Variants in LARS2 observed in about 807,000 individuals in gnomAD.
LARS2 encodes the protein leucine--tRNA ligase, mitochondrial.
Under a neutral mutation model 116.6 loss-of-function variants are expected in LARS2, and 81 were observed. That is an observed-to-expected ratio of 0.69 (90% CI 0.58 to 0.84). The LOEUF (loss-of-function observed/expected upper bound fraction) is 0.84, where lower values mean the gene tolerates loss of function less well. Ranked by LOEUF, LARS2 falls within the 40% of genes least tolerant of loss-of-function variation. LARS2 has a pLI of 0.00. For synonymous variants in LARS2, 396 were observed against 407.2 expected, an observed-to-expected ratio of 0.97 and a Z score of 0.33; for missense variants, 968 against 1,114.5, an observed-to-expected ratio of 0.87 and a Z score of 1.87.
intron 20 of LARS2, among the ~76,000 whole-genome samples, chr3:45,529,561 A>AG (rs1162926086): frequency 6.6e-6 from 1 of 152,120 alleles, no homozygotes; most frequent in Non-Finnish European, 1.5e-5. Context: ...AAAAAAAAAA[A>AG]AAAAATGCTA....
intron 4 of LARS2, among the ~76,000 whole-genome samples, chr3:45,405,439 C>T (rs1698219444): frequency 6.6e-6 from 1 of 152,190 alleles, no homozygotes; most frequent in African/African-American, 2.4e-5. Flanking sequence ...TTTTTAAAAG[C>T]ATACAACTCC....
rs1466936224 is a variant in LARS2 at position 45,500,865 on chromosome 3, G to A, written c.1760+286G>A. Among the ~76,000 whole-genome samples, 71 of 152,058 alleles carry A rather than the reference G, an allele frequency of 4.7e-4. 1 individual carries two copies. The highest frequency in any genetic ancestry group is 1.0e-4 in the Non-Finnish European group (7 of 68,022). ...GTGAGGCAGAGAGGAGTGGCCCATA[G>A]TGTTTTATAGCATCTCATGTGAGGT... On this transcript the variant is annotated intron_variant, in intron 15 of 21. Coordinates refer to ENST00000645846, the MANE Select transcript of LARS2 (RefSeq NM_015340.4).
intron 2 of LARS2, 28 bp from the exon 3 acceptor site, chr3:45,394,405 A>G: frequency 7.4e-7 from 1 of 1,355,872 alleles, no homozygotes; most frequent in South Asian, 1.2e-5. Context: ...GAGGCAGCTC[A>G]TAGTGTGCTT....
rs1700903965 is a variant in LARS2, at chr3:45,548,259, G to T, written c.*729G>T. ...TCTGACACACAGGATCCCAGGCAAG[G>T]CACCACTTCCTCACATGAATGAGGA... On this transcript the variant is annotated 3_prime_UTR_variant, in exon 22 of 22. Transcript: ENST00000645846. 1 of 152,248 alleles carries T rather than the reference G, an allele frequency of 6.6e-6. No individual in the cohort carries two copies. The highest frequency in any genetic ancestry group is 2.1e-4 in the South Asian group (1 of 4,828). The allele number at this position is 152,248 out of a possible 1,614,324, so 9.4% of individuals were successfully genotyped here.
chr3:45,480,415 G>A (rs1247722088), intron 10 of LARS2, among the ~76,000 whole-genome samples: 6 of 152,258 alleles, frequency 3.9e-5, no homozygotes. Context: ...TTTCCAGAGG[G>A]TGTGAGAGAC....
chr3:45,429,298 C>T (rs1244256974), intron 6 of LARS2, among the ~76,000 whole-genome samples: 1 of 152,136 alleles, frequency 6.6e-6, no homozygotes, highest in Non-Finnish European at 1.5e-5. Context: ...TTACTGGGTC[C>T]TCTGGGGAAA....
At chr3:45,439,712 T>C (rs2125699977) in intron 6 of LARS2, among the ~76,000 whole-genome samples, 1 of 152,054 alleles carries the variant, frequency 6.6e-6, no homozygotes, top group East Asian at 1.9e-4. Flanking sequence ...GGCTGAGGCA[T>C]GCAGGGAGGA....
intron 8 of LARS2, among the ~76,000 whole-genome samples, chr3:45,469,817 TC>T (rs199708383): frequency 2.6e-4 from 39 of 149,904 alleles, no homozygotes; most frequent in African/African-American, 7.4e-4. Context: ...ATATTGTGCC[TC>T]CCCCCCCACC....
intron 20 of LARS2, among the ~76,000 whole-genome samples, chr3:45,528,658 T>C (rs1182842818): frequency 6.6e-6 from 1 of 152,232 alleles, no homozygotes; most frequent in Non-Finnish European, 1.5e-5. Flanking sequence ...AGAAATGTTA[T>C]ATAAATGAAA....
At chr3:45,543,698 A>T (rs1003341866) in intron 21 of LARS2, among the ~76,000 whole-genome samples, 10 of 151,986 alleles carry the variant, frequency 6.6e-5, no homozygotes, top group African/African-American at 2.4e-4. Flanking sequence ...TCCTGACCTC[A>T]AGTGATCTGC....
chr3:45,413,737 A>T (rs1321281456), intron 4 of LARS2, among the ~76,000 whole-genome samples: 3 of 152,250 alleles, frequency 2.0e-5, no homozygotes, highest in Admixed American at 2.0e-4. Context: ...TAGTGGAAGT[A>T]TGCCTTTAAG....
chr3:45,458,799 T>C lies in LARS2; in HGVS notation c.663T>C (p.Asp221=). 1 of 1,614,118 alleles carries C rather than the reference T, an allele frequency of 6.2e-7. No homozygotes were observed. Among genetic ancestry groups the C allele is most frequent in the Middle Eastern group, 1.6e-4 (1 of 6,062 alleles). The change falls in exon 8 of 22, where the codon GAT becomes GAC. Residue 221 remains aspartate, a synonymous_variant. Transcript: ENST00000645846. ...DQTVLANEQV[D]EHGCSWRSGA... The stretch of plus-strand genomic sequence containing the variant: ...CAGTGCTTGCCAATGAGCAGGTGGA[T>C]GAACATGGCTGTTCATGGCGTTCTG...
At chr3:45,545,250 G>A (rs567888216) in intron 21 of LARS2, among the ~76,000 whole-genome samples, 4 of 152,216 alleles carry the variant, frequency 2.6e-5, no homozygotes, top group African/African-American at 4.8e-5. Flanking sequence ...ATTAGCCATC[G>A]CAAGGCTACC....
intron 8 of LARS2, among the ~76,000 whole-genome samples, chr3:45,459,799 G>A (rs1699283208): frequency 6.6e-6 from 1 of 152,198 alleles, no homozygotes; most frequent in Non-Finnish European, 1.5e-5. Flanking sequence ...GTATTCTTAT[G>A]CATGCATGAG....
chr3:45,396,468 C>T (rs1698047286), intron 3 of LARS2, among the ~76,000 whole-genome samples: 1 of 152,198 alleles, frequency 6.6e-6, no homozygotes, highest in African/African-American at 2.4e-5. Context: ...ATAAAAGATA[C>T]ACAAAGATCA....
intron 6 of LARS2, among the ~76,000 whole-genome samples, chr3:45,427,358 A>G (rs1438920489): frequency 6.6e-6 from 1 of 152,198 alleles, no homozygotes; most frequent in Non-Finnish European, 1.5e-5. Flanking sequence ...TAAAGCACAG[A>G]TCTCTGGCCC....
chr3:45,480,948 A>G lies in LARS2; in HGVS notation c.1018+4321A>G, dbSNP rs140540973. Reference sequence around the variant, plus strand: ...AATATATACAATTCCATGGTTTTTAATATATTCACAAATTTATACAACCAT... The same window carrying G: ...AATATATACAATTCCATGGTTTTTAGTATATTCACAAATTTATACAACCAT... On this transcript the variant is annotated intron_variant, in intron 10 of 21. Coordinates refer to ENST00000645846, the MANE Select transcript of LARS2 (RefSeq NM_015340.4). Among the ~76,000 whole-genome samples, 61 of 152,294 alleles carry G rather than the reference A, an allele frequency of 4.0e-4. No individual in the cohort carries two copies. In the East Asian group the frequency reaches 0.01, roughly 26 times the overall value.
intron 20 of LARS2, among the ~76,000 whole-genome samples, chr3:45,536,476 G>C (rs914357347): frequency 6.6e-6 from 1 of 152,196 alleles, no homozygotes; most frequent in African/African-American, 2.4e-5. Context: ...TCTTACTACT[G>C]TCTGAGGCAG....
chr3:45,497,597 A>G (rs1046498101), intron 14 of LARS2, among the ~76,000 whole-genome samples: 3 of 152,092 alleles, frequency 2.0e-5, no homozygotes, highest in Non-Finnish European at 4.4e-5. Context: ...CTGTAATTTG[A>G]GTTCATATCA....
Sources: gnomAD v4.1 joint callset for allele counts (sites outside exome capture counted in the v4.1 genomes callset) on GRCh38, gnomAD v4.1.1 for gene constraint, MANE v1.5 for transcripts, NCBI Gene and HGNC (gene_info 2026-07-23, HGNC 2026-07-21) for gene names.